Variants in PLCZ1 observed in about 807,000 individuals in gnomAD.
The protein encoded by PLCZ1 is phospholipase C zeta 1.
In PLCZ1, 64 loss-of-function variants were observed where a neutral mutation model predicts 76.8. That is an observed-to-expected ratio of 0.83 (90% CI 0.68 to 1.03). PLCZ1 has a LOEUF of 1.03. Among genes scored for constraint, PLCZ1 ranks in the 50% least tolerant of loss-of-function variants. The pLI, the probability that PLCZ1 is intolerant of heterozygous loss-of-function variation, is 0.00. For missense variants in PLCZ1, 751 were observed against 713.7 expected, an observed-to-expected ratio of 1.05 and a Z score of -0.60; for synonymous variants, 248 against 230.8, an observed-to-expected ratio of 1.07 and a Z score of -0.68.
At chr12:18,653,402 T>C in the PLCZ1 span, among the ~76,000 whole-genome samples, 2 of 152,164 alleles carry the variant, frequency 1.3e-5, no homozygotes, top group Non-Finnish European at 2.9e-5. Context: ...GCACAAAATC[T>C]TGAATACTCT....
the PLCZ1 span, among the ~76,000 whole-genome samples, chr12:18,666,036 G>C: frequency 1.3e-5 from 2 of 151,386 alleles, no homozygotes; most frequent in African/African-American, 2.4e-5. Context: ...ATTTAAACTA[G>C]ATTATTATAA....
At chr12:18,729,695 T>C (rs1958938735) in intron 3 of PLCZ1, among the ~76,000 whole-genome samples, 1 of 152,104 alleles carries the variant, frequency 6.6e-6, no homozygotes, top group African/African-American at 2.4e-5. Flanking sequence ...TTAAATGCTA[T>C]AAAGACTATT....
At chr12:18,648,235 G>C in the PLCZ1 span, 1 of 315,616 alleles carries the variant, frequency 3.2e-6, no homozygotes, top group Middle Eastern at 8.8e-4. Flanking sequence ...TCCTTCAGTG[G>C]AGTACTGATT....
downstream of PLCZ1, among the ~76,000 whole-genome samples, chr12:18,680,713 TCACTACAAAAGGAGA>T (rs1243049218): frequency 1.3e-5 from 2 of 152,036 alleles, no homozygotes; most frequent in African/African-American, 2.4e-5. Flanking sequence ...CATCTATTGC[TCACTACAAAAGGAGA>T]CACAACATGG....
chr12:18,647,467 A>G, the PLCZ1 span, among the ~76,000 whole-genome samples: 16 of 151,166 alleles, frequency 1.1e-4, no homozygotes, highest in Admixed American at 3.3e-4. Flanking sequence ...AAAAAAAAAA[A>G]TAGTCTGCTT....
At chr12:18,725,879 C>T (rs577291664) in intron 3 of PLCZ1, among the ~76,000 whole-genome samples, 2 of 152,124 alleles carry the variant, frequency 1.3e-5, no homozygotes, top group Non-Finnish European at 2.9e-5. Context: ...AGAAATCTTC[C>T]TCTGTATCTC....
chr12:18,650,704 G>GTGTATATCTATATATATATATATATATA, the PLCZ1 span, among the ~76,000 whole-genome samples: 1 of 57,764 alleles, frequency 1.7e-5, no homozygotes, highest in Non-Finnish European at 4.0e-5. Context: ...GTGTGTGTGT[G>GTGTATATCTATATATATATATATATATA]TATATATCTA....
the PLCZ1 span, among the ~76,000 whole-genome samples, chr12:18,668,916 C>T: frequency 1.5e-4 from 23 of 151,748 alleles, no homozygotes; most frequent in Admixed American, 3.3e-4. Flanking sequence ...TCAGCAAAGA[C>T]GAAATAAATT....
rs76015636 is a variant in PLCZ1, at chr12:18,724,359, C to A, written c.136-817G>T. On this transcript the variant is annotated intron_variant, in intron 3 of 14. Transcript: ENST00000266505. Reference sequence around the variant, plus strand: ...GAGATAACTCAAGAATGACTGGGGTCAGGGAGAGTTAGAAAAACTGGTAGA... The same window carrying A: ...GAGATAACTCAAGAATGACTGGGGTAAGGGAGAGTTAGAAAAACTGGTAGA... Among the ~76,000 whole-genome samples the A allele has an allele frequency of 7.8e-3, 1,187 of 151,924 alleles. 17 individuals are homozygous for A. Among genetic ancestry groups the A allele is most frequent in the African/African-American group, 0.028 (1,149 of 41,436 alleles).
chr12:18,650,589 G>T, the PLCZ1 span, among the ~76,000 whole-genome samples: 1 of 147,852 alleles, frequency 6.8e-6, no homozygotes, highest in Non-Finnish European at 1.5e-5. Context: ...AAAATTTTGA[G>T]TGCTTGATAT....
chr12:18,708,183 A>G (rs1956855501), intron 6 of PLCZ1, among the ~76,000 whole-genome samples: 2 of 151,882 alleles, frequency 1.3e-5, no homozygotes, highest in South Asian at 4.2e-4. Context: ...CCCTCCCCAC[A>G]CCTCGTTCCT....
At chr12:18,646,339 T>C in the PLCZ1 span, among the ~76,000 whole-genome samples, 3 of 152,192 alleles carry the variant, frequency 2.0e-5, no homozygotes, top group Non-Finnish European at 4.4e-5. Flanking sequence ...TAATCTCCTG[T>C]ATGGAATGAG....
the PLCZ1 span, among the ~76,000 whole-genome samples, chr12:18,671,662 A>T: frequency 1.3e-5 from 2 of 152,202 alleles, no homozygotes; most frequent in Admixed American, 1.3e-4. Context: ...AAAAAATTTC[A>T]TTATTGCAGA....
At chr12:18,689,756 C>A (rs1174680667) in intron 12 of PLCZ1, among the ~76,000 whole-genome samples, 1 of 152,058 alleles carries the variant, frequency 6.6e-6, no homozygotes, top group Non-Finnish European at 1.5e-5. Context: ...TGGCCTAGAC[C>A]AAAACTCTCA....
At chr12:18,647,940 C>T in the PLCZ1 span, 1 of 1,600,118 alleles carries the variant, frequency 6.2e-7, no homozygotes. Context: ...AAGAGTAAAA[C>T]TGTATTTGTG....
At chr12:18,737,235 A>T in intron 2 of PLCZ1, 126 bp downstream of exon 2, 1 of 1,022,050 alleles carries the variant, frequency 9.8e-7, no homozygotes, top group Non-Finnish European at 1.5e-6. Context: ...ACAAACAGGG[A>T]AAAGCAGTTC....
At chr12:18,664,137 G>A in the PLCZ1 span, among the ~76,000 whole-genome samples, 1 of 152,184 alleles carries the variant, frequency 6.6e-6, no homozygotes, top group South Asian at 2.1e-4. Context: ...CGAGGGTCAG[G>A]ATGTGGAAGA....
intron 3 of PLCZ1, among the ~76,000 whole-genome samples, chr12:18,730,543 G>A (rs1346293396): frequency 3.3e-5 from 5 of 151,950 alleles, no homozygotes. Context: ...AGCAAACTCT[G>A]TGTCTCTAAT....
At chr12:18,688,953 G>A (rs1953624196) in intron 12 of PLCZ1, among the ~76,000 whole-genome samples, 1 of 151,622 alleles carries the variant, frequency 6.6e-6, no homozygotes, top group Non-Finnish European at 1.5e-5. Flanking sequence ...TGATTATAAA[G>A]GAATAAAGAA....
Sources: gnomAD v4.1 joint callset for allele counts (sites outside exome capture counted in the v4.1 genomes callset) on GRCh38, gnomAD v4.1.1 for gene constraint, MANE v1.5 for transcripts, NCBI Gene and HGNC (gene_info 2026-07-23, HGNC 2026-07-21) for gene names.